WDSUB1: variants seen among roughly 807,000 people sequenced by gnomAD.
WDSUB1 encodes the protein WD repeat, SAM and U-box domain-containing protein 1.
Under a neutral mutation model 53.9 loss-of-function variants are expected in WDSUB1, and 49 were observed. The ratio of observed to expected loss-of-function variants is 0.91; its 90% CI spans 0.72 to 1.15. WDSUB1 has a LOEUF of 1.15. Among genes scored for constraint, WDSUB1 ranks in the 50% most tolerant of loss-of-function variants. The probability of loss-of-function intolerance (pLI) is 0.00; values close to 1 mark genes in which losing one functional copy is unlikely to be tolerated. For synonymous variants in WDSUB1, 194 were observed against 200.6 expected (o/e 0.97, Z 0.28); for missense variants, 514 against 562.0 (o/e 0.91, Z 0.86).
Position 159,236,091 on chromosome 2 carries a change from G to T in WDSUB1, c.1373C>A (p.Thr458Lys), listed in dbSNP as rs533990623. The change falls in exon 11 of 11, where the codon ACA becomes AAA. Residue 458 changes from threonine to lysine, a missense_variant. By Grantham distance (78) the Thr-to-Lys change is moderately conservative. Transcript: ENST00000359774. ...TNLVLPSAVLTPNRTLKMAIN... is the reference protein window; with the variant it reads ...TNLVLPSAVLKPNRTLKMAIN... ...GGCCATTTTCAGAGTCCTATTTGGT[G>T]TAAGTACCGCTGAAGGAAGAACAAG... The T allele has an allele frequency of 2.5e-6, 4 of 1,613,896 alleles. No homozygotes were observed. The highest frequency in any genetic ancestry group is 1.7e-4 in the Middle Eastern group (1 of 6,060).
chr2:159,267,222 T>C (rs767184371), intron 5 of WDSUB1, among the ~76,000 whole-genome samples: 5 of 152,178 alleles, frequency 3.3e-5, no homozygotes, highest in Admixed American at 1.3e-4. Flanking sequence ...CATATCTGCA[T>C]AGAAATTCTA....
intron 2 of WDSUB1, among the ~76,000 whole-genome samples, chr2:159,280,708 A>AAAAAAC (rs111752652): frequency 3.7e-5 from 5 of 134,322 alleles, no homozygotes; most frequent in South Asian, 2.4e-4. Context: ...AAAAAAAAAA[A>AAAAAAC]ATTACCCAGA....
intron 1 of WDSUB1, among the ~76,000 whole-genome samples, chr2:159,285,419 A>T (rs1193710520): frequency 6.6e-6 from 1 of 151,340 alleles, no homozygotes; most frequent in Non-Finnish European, 1.5e-5. Flanking sequence ...CCAAAGAAAA[A>T]AAAAGTCTGG....
In WDSUB1 at chr2:159,240,451, AG is replaced by A. The variant is rs550536035; in HGVS notation, c.1274-4262del. The stretch of plus-strand genomic sequence containing the variant: ...TGTTTTCAACAGCAACCACACATGA[AG>A]GTTCCATTTTCTGCACATCCTTGCC... On this transcript the variant is annotated intron_variant, in intron 10 of 10. Transcript: ENST00000359774. Among the ~76,000 whole-genome samples the A allele has an allele frequency of 1.1e-4, 17 of 152,286 alleles. No homozygotes were observed. In the South Asian group the frequency reaches 3.5e-3, roughly 32 times the overall value.
At chr2:159,275,790 T>A in intron 3 of WDSUB1, 152 bp from the exon 4 acceptor site, 1 of 617,092 alleles carries the variant, frequency 1.6e-6, no homozygotes, top group Admixed American at 3.7e-5. Context: ...AAAATGCTGA[T>A]TAAAGAATTT....
chr2:159,251,355 G>A (rs1011502607), intron 9 of WDSUB1, among the ~76,000 whole-genome samples: 6 of 152,116 alleles, frequency 3.9e-5, no homozygotes, highest in Non-Finnish European at 8.8e-5. Context: ...CTACATGTGT[G>A]CTAATACTTA....
intron 5 of WDSUB1, among the ~76,000 whole-genome samples, chr2:159,269,454 AACC>A (rs1374692795): frequency 6.6e-6 from 1 of 152,176 alleles, no homozygotes; most frequent in Non-Finnish European, 1.5e-5. Context: ...TACAGGCATG[AACC>A]ACCACGCCCT....
At position 159,282,109 on chromosome 2, in the gene WDSUB1, T is replaced by A. The variant is rs1248285325; in HGVS notation, c.398+563A>T. On this transcript the variant is annotated intron_variant, in intron 2 of 10. Transcript: ENST00000359774. ...AAGTCTAACAAGATTAACTCTTAATTTTAAGATTGGCGCTAAGCAAATCTA... is the reference window on the plus strand; with the variant it reads ...AAGTCTAACAAGATTAACTCTTAATATTAAGATTGGCGCTAAGCAAATCTA... Among the ~76,000 whole-genome samples, 3 of 152,312 alleles carry A rather than the reference T, an allele frequency of 2.0e-5. No individual in the cohort carries two copies. The East Asian group carries it at 5.8e-4, about 29-fold the overall frequency.
At chr2:159,239,079 G>A (rs1575419816) in intron 10 of WDSUB1, among the ~76,000 whole-genome samples, 1 of 152,220 alleles carries the variant, frequency 6.6e-6, no homozygotes, top group East Asian at 1.9e-4. Flanking sequence ...GTAGCTCACT[G>A]CAGCCTCGAC....
intron 10 of WDSUB1, among the ~76,000 whole-genome samples, chr2:159,240,942 A>G (rs781560358): frequency 2.0e-5 from 3 of 152,224 alleles, no homozygotes; most frequent in Non-Finnish European, 4.4e-5. Context: ...AGAAAGGCTT[A>G]AGAGAGAAGC....
At chr2:159,247,107 C>G (rs2060815866) in intron 10 of WDSUB1, among the ~76,000 whole-genome samples, 1 of 152,158 alleles carries the variant, frequency 6.6e-6, no homozygotes, top group Non-Finnish European at 1.5e-5. Flanking sequence ...AAACAAGAGT[C>G]CTGATAAACC....
intron 4 of WDSUB1, 70 bp from the exon 5 acceptor site, chr2:159,271,865 T>C (rs1453185506): frequency 7.4e-6 from 9 of 1,215,772 alleles, no homozygotes; most frequent in South Asian, 2.7e-5. Context: ...GTCAACACCA[T>C]TTCACTTATT....
intron 10 of WDSUB1, among the ~76,000 whole-genome samples, chr2:159,247,910 A>AAATATATATATAT (rs2060846923): frequency 4.5e-4 from 8 of 17,682 alleles, no homozygotes; most frequent in South Asian, 1.6e-3. Flanking sequence ...TATATATATA[A>AAATATATATATAT]ATATATATAT....
chr2:159,264,435 C>T (rs961085014), intron 5 of WDSUB1, among the ~76,000 whole-genome samples: 1 of 152,236 alleles, frequency 6.6e-6, no homozygotes, highest in Non-Finnish European at 1.5e-5. Context: ...CATGAAAGCA[C>T]TCCTAACTCG....
chr2:159,259,713 G>GA (rs1365785684), intron 6 of WDSUB1, 97 bp downstream of exon 6: 4 of 1,302,330 alleles, frequency 3.1e-6, no homozygotes, highest in Admixed American at 3.1e-5. Flanking sequence ...ATACTAAACA[G>GA]AAAAAATATA....
At chr2:159,279,421 T>C (rs1332654801) in intron 3 of WDSUB1, among the ~76,000 whole-genome samples, 1 of 152,244 alleles carries the variant, frequency 6.6e-6, no homozygotes, top group South Asian at 2.1e-4. Context: ...GTTCTTTTAA[T>C]TGCAATTGTA....
At chr2:159,253,216 CA>C (rs2060987999) in intron 9 of WDSUB1, among the ~76,000 whole-genome samples, 1 of 152,206 alleles carries the variant, frequency 6.6e-6, no homozygotes, top group Non-Finnish European at 1.5e-5. Context: ...GTAGTAGTCA[CA>C]AATTCATAGC....
Position 159,275,545 on chromosome 2 carries a change from C to A in WDSUB1, c.676+1G>T. 6.3e-7 allele frequency: 1 copy of A among 1,592,644 alleles called. No homozygotes were observed. Among genetic ancestry groups the A allele is most frequent in the Non-Finnish European group, 8.5e-7 (1 of 1,173,862 alleles). On this transcript the variant is annotated splice_donor_variant, in intron 4 of 10. Transcript: ENST00000359774. LOFTEE classifies it high-confidence loss of function. ...AGAGAAGCACTATTTGGCATACATA[C>A]CTAAGATATGGGTAAAAGAAACAAT...
intron 10 of WDSUB1, among the ~76,000 whole-genome samples, chr2:159,236,560 G>T (rs1424580239): frequency 2.0e-5 from 3 of 152,168 alleles, no homozygotes; most frequent in African/African-American, 7.2e-5. Context: ...GAATCATAAG[G>T]CTCTTTTCAA....
Sources: allele counts gnomAD v4.1 joint callset (sites outside exome capture counted in the v4.1 genomes callset), GRCh38; gene constraint gnomAD v4.1.1; transcripts MANE v1.5; gene names NCBI Gene and HGNC (gene_info 2026-07-23, HGNC 2026-07-21).